The following KLHL3 variants were observed in gnomAD, a reference collection of about 807,000 sequenced individuals.
KLHL3 encodes the protein kelch-like protein 3.
In KLHL3, 19 loss-of-function variants were observed where a neutral mutation model predicts 70.5. The observed-to-expected ratio is 0.27, with a 90% CI of 0.19 to 0.40. The LOEUF is 0.40. KLHL3 is among the 10% of genes least tolerant of loss of function. KLHL3 has a pLI of 1.00. For synonymous variants in KLHL3, 258 were observed against 290.3 expected, an observed-to-expected ratio of 0.89 and a Z score of 1.13; for missense variants, 512 against 771.1, an observed-to-expected ratio of 0.66 and a Z score of 3.98.
intron 5 of KLHL3, among the ~76,000 whole-genome samples, chr5:137,681,980 C>T (rs1445256387): frequency 2.0e-5 from 3 of 152,008 alleles, no homozygotes. Context: ...ACATATCTTC[C>T]CAATGTTAAA....
intron 1 of KLHL3, among the ~76,000 whole-genome samples, chr5:137,730,033 C>A (rs529518234): frequency 6.6e-6 from 1 of 152,230 alleles, no homozygotes; most frequent in East Asian, 1.9e-4. Flanking sequence ...AGGTACAGAT[C>A]GAGTTAACAT....
rs536676736 is a variant in KLHL3, at chr5:137,629,109, G to A, written c.1451-672C>T. The A allele has an allele frequency of 2.6e-5, 4 of 152,298 alleles. No individual in the cohort carries two copies. In the South Asian group the frequency reaches 8.3e-4, roughly 32 times the overall value. 9.4% of individuals were successfully genotyped at this position (152,298 alleles called of 1,614,324 possible). A position where few individuals can be genotyped will look rare whatever the true frequency, so the allele number is the denominator to read the frequency against. ...GCATTATCAGATCACTCACCGTGTT[G>A]ATCAGCCTGAGCTGAGTGCTAGAAT... On this transcript the variant is annotated intron_variant, in intron 12 of 14. Coordinates refer to ENST00000309755, the MANE Select transcript of KLHL3 (RefSeq NM_017415.3).
chr5:137,621,851 G>T lies in KLHL3; in HGVS notation c.*247C>A, dbSNP rs1750313374. 5.3e-6 allele frequency: 3 copies of T among 570,072 alleles called. No individual in the cohort carries two copies. The East Asian group carries it at 8.6e-5, about 16-fold the overall frequency. The allele number at this position is 570,072 out of a possible 1,614,324, so 35.3% of individuals were successfully genotyped here. A position where few individuals can be genotyped will look rare whatever the true frequency, so the allele number is the denominator to read the frequency against. The stretch of plus-strand genomic sequence containing the variant: ...TAGAAACACCAAAACAAAGCCCAAA[G>T]GTGCTGCCTGGGGATGTCAAGACCC... On this transcript the variant is annotated 3_prime_UTR_variant, in exon 15 of 15. Transcript: ENST00000309755.
At chr5:137,633,992 T>C in intron 12 of KLHL3, 45 bp downstream of exon 12, 1 of 1,613,476 alleles carries the variant, frequency 6.2e-7, no homozygotes, top group South Asian at 1.1e-5. Context: ...AGGACCCACT[T>C]GTGAGCAAAT....
intron 2 of KLHL3, among the ~76,000 whole-genome samples, chr5:137,717,668 A>G (rs1752920302): frequency 6.6e-6 from 1 of 152,264 alleles, no homozygotes; most frequent in African/African-American, 2.4e-5. Context: ...CCAAAGTATT[A>G]CAATGGTTAC....
At chr5:137,696,742 C>T (rs1307788058) in intron 4 of KLHL3, among the ~76,000 whole-genome samples, 2 of 152,136 alleles carry the variant, frequency 1.3e-5, no homozygotes, top group Non-Finnish European at 2.9e-5. Context: ...GTTTATTTAA[C>T]CCCTTTGAGC....
intron 2 of KLHL3, among the ~76,000 whole-genome samples, chr5:137,715,263 C>T (rs1329524528): frequency 6.6e-6 from 1 of 152,192 alleles, no homozygotes; most frequent in African/African-American, 2.4e-5. Flanking sequence ...TTGCAAAGAA[C>T]ATGTGTGCTT....
At chr5:137,707,497 A>T (rs1752708078) in intron 3 of KLHL3, 1 of 152,790 alleles carries the variant, frequency 6.5e-6, no homozygotes, top group Non-Finnish European at 1.5e-5. Context: ...TATTTTGTAT[A>T]TGTATACATT....
chr5:137,665,731 C>T (rs1478568095), intron 6 of KLHL3, among the ~76,000 whole-genome samples: 1 of 152,096 alleles, frequency 6.6e-6, no homozygotes, highest in Non-Finnish European at 1.5e-5. Flanking sequence ...TTTTTCTTAA[C>T]CTAAGTACAT....
intron 3 of KLHL3, among the ~76,000 whole-genome samples, chr5:137,708,478 C>G (rs2149928690): frequency 6.6e-6 from 1 of 152,314 alleles, no homozygotes; most frequent in South Asian, 2.1e-4. Context: ...ACATGTTCCC[C>G]AAGTGCCCAA....
chr5:137,618,270 A>T lies in KLHL3; in HGVS notation c.*3828T>A, dbSNP rs562877402. On this transcript the variant is annotated 3_prime_UTR_variant, in exon 15 of 15. Coordinates refer to ENST00000309755, the MANE Select transcript of KLHL3 (RefSeq NM_017415.3). ...GAATATGAGTTTGCTCAGCCTCCCA[A>T]CTTGATCCAGCTAGGTGCAAATGGG... 3 of 152,672 alleles carry T rather than the reference A, an allele frequency of 2.0e-5. No homozygotes were observed. The East Asian group carries it at 5.8e-4, about 29-fold the overall frequency. The allele number at this position is 152,672 out of a possible 1,614,324, so 9.5% of individuals were successfully genotyped here.
At position 137,619,274 on chromosome 5, in the gene KLHL3, G is replaced by A. The variant is rs1258098652; in HGVS notation, c.*2824C>T. On this transcript the variant is annotated 3_prime_UTR_variant, in exon 15 of 15. Transcript: ENST00000309755. ...AATTAAGTATTCTTATTGCATAGCA[G>A]AAAATGAGGTCAGTTTTATTTGCAT... 6.6e-6 allele frequency: 1 copy of A among 152,652 alleles called. No individual in the cohort carries two copies. The highest frequency in any genetic ancestry group is 1.9e-4 in the East Asian group (1 of 5,202). The allele number at this position is 152,652 out of a possible 1,614,324, so 9.5% of individuals were successfully genotyped here.
intron 6 of KLHL3, among the ~76,000 whole-genome samples, chr5:137,667,770 G>A (rs1156787248): frequency 6.6e-6 from 1 of 152,160 alleles, no homozygotes; most frequent in East Asian, 1.9e-4. Flanking sequence ...AACATAGGAA[G>A]AAGAGAAAGA....
At chr5:137,660,533 A>G (rs541412804) in intron 7 of KLHL3, among the ~76,000 whole-genome samples, 2 of 152,246 alleles carry the variant, frequency 1.3e-5, no homozygotes, top group African/African-American at 2.4e-5. Context: ...CAGTGGTATC[A>G]CCCAAAGTAG....
intron 6 of KLHL3, among the ~76,000 whole-genome samples, chr5:137,676,000 C>G (rs764855631): frequency 2.6e-4 from 39 of 152,232 alleles, no homozygotes; most frequent in Non-Finnish European, 5.1e-4. Context: ...AGACAGTAAA[C>G]GTGCTTGGTA....
In KLHL3 at chr5:137,670,938, A is replaced by T. The variant is rs184252765; in HGVS notation, c.636+6607T>A. On this transcript the variant is annotated intron_variant, in intron 6 of 14. Coordinates refer to ENST00000309755, the MANE Select transcript of KLHL3 (RefSeq NM_017415.3). ...CAGTGAGCCGAGATCGTGCCACTGC[A>T]CTCCAGCCTGGGCAAAGAGCGAGAC... Among the ~76,000 whole-genome samples, 678 of 139,902 alleles carry T rather than the reference A, an allele frequency of 4.8e-3. 2 individuals carry two copies. Among genetic ancestry groups the T allele is most frequent in the Non-Finnish European group, 6.8e-3 (440 of 64,688 alleles). The allele number at this position is 139,902 out of a possible 152,430, so 91.8% of individuals were successfully genotyped here.
At chr5:137,664,433 AT>A (rs753473298) in intron 6 of KLHL3, among the ~76,000 whole-genome samples, 1 of 152,214 alleles carries the variant, frequency 6.6e-6, no homozygotes, top group Non-Finnish European at 1.5e-5. Flanking sequence ...CCAAAAAAAA[AT>A]GCCTGTAAAA....
chr5:137,727,278 T>C (rs1377848239), intron 1 of KLHL3, among the ~76,000 whole-genome samples: 1 of 152,086 alleles, frequency 6.6e-6, no homozygotes, highest in Non-Finnish European at 1.5e-5. Context: ...ATCAATCCTA[T>C]GTCCATTAAT....
chr5:137,644,417 C>T (rs1750992621), intron 8 of KLHL3, among the ~76,000 whole-genome samples: 1 of 152,182 alleles, frequency 6.6e-6, no homozygotes, highest in Non-Finnish European at 1.5e-5. Context: ...ATCCATTCAT[C>T]TGTTGATGGG....
Sources: allele counts gnomAD v4.1 joint callset (sites outside exome capture counted in the v4.1 genomes callset), GRCh38; gene constraint gnomAD v4.1.1; transcripts MANE v1.5; gene names NCBI Gene and HGNC (gene_info 2026-07-23, HGNC 2026-07-21).